GART: variants seen among roughly 807,000 people sequenced by gnomAD.
GART encodes phosphoribosylglycinamide formyltransferase, phosphoribosylglycinamide synthetase, phosphoribosylaminoimidazole synthetase.
In GART, 43 loss-of-function variants were observed where a neutral mutation model predicts 107.2. That is an observed-to-expected ratio of 0.40 (90% CI 0.31 to 0.52). The LOEUF is 0.52. Among genes scored for constraint, GART ranks in the 20% least tolerant of loss-of-function variants. The pLI is 0.52. For synonymous variants in GART, 434 were observed against 427.0 expected (o/e 1.02, Z -0.20); for missense variants, 1,107 against 1,206.5 (o/e 0.92, Z 1.22).
chr21:33,515,436 T>C (rs1456905400), intron 16 of GART, among the ~76,000 whole-genome samples: 1 of 151,746 alleles, frequency 6.6e-6, no homozygotes, highest in Non-Finnish European at 1.5e-5. Context: ...GGTCAAGAGA[T>C]TGAGACCATC....
chr21:33,536,028 G>C (rs1481825787), intron 2 of GART, among the ~76,000 whole-genome samples: 1 of 150,202 alleles, frequency 6.7e-6, no homozygotes, highest in Non-Finnish European at 1.5e-5. Context: ...ACGAAACTCT[G>C]TCTCAAAAAA....
intron 10 of GART, among the ~76,000 whole-genome samples, chr21:33,526,760 A>T (rs1310445246): frequency 6.6e-6 from 1 of 152,218 alleles, no homozygotes; most frequent in Non-Finnish European, 1.5e-5. Context: ...TTTATAGTTA[A>T]AACATTATTA....
chr21:33,540,105 A>G (rs974081727), intron 1 of GART, among the ~76,000 whole-genome samples: 1 of 152,232 alleles, frequency 6.6e-6, no homozygotes, highest in Non-Finnish European at 1.5e-5. Context: ...ACTTTACACA[A>G]AAAGGGCCAC....
At chr21:33,510,079 C>T (rs2084757734) in intron 17 of GART, 159 bp from the exon 18 acceptor site, 3 of 641,974 alleles carry the variant, frequency 4.7e-6, no homozygotes, top group Non-Finnish European at 7.8e-6. Context: ...TCACTTAACA[C>T]TACTCTTTCA....
chr21:33,525,025 T>C (rs1307039503), intron 10 of GART, 25 bp from the exon 11 acceptor site: 13 of 1,599,108 alleles, frequency 8.1e-6, no homozygotes, highest in African/African-American at 4.0e-5. Flanking sequence ...ATTTGACATA[T>C]GATTTCAAAT....
Position 33,516,246 on chromosome 21 carries a change from T to TAA in GART, c.2107+741_2107+742dup, listed in dbSNP as rs11321647. Among the ~76,000 whole-genome samples, 102 of 95,174 alleles carry TAA rather than the reference T, an allele frequency of 1.1e-3. 2 individuals carry two copies. Among genetic ancestry groups the TAA allele is most frequent in the African/African-American group, 3.1e-3 (78 of 25,202 alleles). 62.4% of individuals were successfully genotyped at this position (95,174 alleles called of 152,430 possible). Reference sequence around the variant, plus strand: ...CTGGGCTACAGAGTGAGACTCTGTCTAAAAAAAAAAAAAAAAAAAAAAGAA... The same window carrying TAA: ...CTGGGCTACAGAGTGAGACTCTGTCTAAAAAAAAAAAAAAAAAAAAAAAAGAA... On this transcript the variant is annotated intron_variant, in intron 16 of 21. Coordinates refer to ENST00000381815, the MANE Select transcript of GART (RefSeq NM_000819.5).
chr21:33,534,954 A>G (rs1162676129), intron 3 of GART, among the ~76,000 whole-genome samples: 1 of 152,238 alleles, frequency 6.6e-6, no homozygotes, highest in Non-Finnish European at 1.5e-5. Flanking sequence ...AAAAGTTGTT[A>G]TATTTGCATA....
chr21:33,523,335 C>G (rs552353759), intron 11 of GART, among the ~76,000 whole-genome samples: 3 of 152,252 alleles, frequency 2.0e-5, no homozygotes, highest in East Asian at 3.9e-4. Flanking sequence ...AGATAGAAAA[C>G]AAAGACTGAT....
In GART at chr21:33,528,845, C is replaced by T. The variant is rs2085126635; in HGVS notation, c.811+5G>A. On this transcript the variant is annotated splice_donor_5th_base_variant and intron_variant, in intron 8 of 21. Coordinates refer to ENST00000381815, the MANE Select transcript of GART (RefSeq NM_000819.5). ...TGGCTTCCATAGTAATGTGGGTGGGCCTACCTGTATATGGAGTACCCTCTT... is the reference window on the plus strand; with the variant it reads ...TGGCTTCCATAGTAATGTGGGTGGGTCTACCTGTATATGGAGTACCCTCTT... 6.2e-7 allele frequency: 1 copy of T among 1,601,526 alleles called. No individual in the cohort carries two copies. Among genetic ancestry groups the T allele is most frequent in the Non-Finnish European group, 8.5e-7 (1 of 1,169,692 alleles).
chr21:33,518,768 T>A, intron 14 of GART: 1 of 475,086 alleles, frequency 2.1e-6, no homozygotes, highest in Non-Finnish European at 4.2e-6. Flanking sequence ...TGCTTTTCCA[T>A]CCACAGACTA....
rs376083989 is a variant in GART, at chr21:33,504,325, T to C, written c.2842-10A>G. The C allele has an allele frequency of 3.1e-6, 5 of 1,612,792 alleles. No homozygotes were observed. Among genetic ancestry groups the C allele is most frequent in the Admixed American group, 1.7e-5 (1 of 59,884 alleles). On this transcript the variant is annotated splice_polypyrimidine_tract_variant and intron_variant, in intron 21 of 21. Coordinates refer to ENST00000381815, the MANE Select transcript of GART (RefSeq NM_000819.5). ...CAGCATCCACATCTTCCTGGAAAAG[T>C]AAGCAAAAGTTTTGAACATTACCTT...
rs1442835426 is a variant in GART at position 33,520,972 on chromosome 21, T to C, written c.1437A>G (p.Leu479=). 1 of 1,614,132 alleles carries C rather than the reference T, an allele frequency of 6.2e-7. No homozygotes were observed. Among genetic ancestry groups the C allele is most frequent in the Non-Finnish European group, 8.5e-7 (1 of 1,179,984 alleles). The change falls in exon 13 of 22, where the codon TTA becomes TTG. Residue 479 remains leucine, a synonymous_variant. Coordinates refer to ENST00000381815, the MANE Select transcript of GART (RefSeq NM_000819.5). ...DLGGFAGLFD[L]KAAGFKDPLL... ...GGGGATCTTTGAAACCAGCTGCTTT[T>C]AAATCAAAAAGACCAGCAAAACCTC...
rs1026891537 is a variant in GART, at chr21:33,525,112, T to C, written c.1067-112A>G. 9.9e-5 allele frequency: 142 copies of C among 1,436,646 alleles called. 1 individual carries two copies. The highest frequency in any genetic ancestry group is 1.2e-5 in the Non-Finnish European group (13 of 1,102,546). The allele number at this position is 1,436,646 out of a possible 1,614,324, so 89.0% of individuals were successfully genotyped here. A position where few individuals can be genotyped will look rare whatever the true frequency, so the allele number is the denominator to read the frequency against. On this transcript the variant is annotated intron_variant, in intron 10 of 21. Transcript: ENST00000381815. ...TTTTTTTTTTTTTAACTTGGCTAGG[T>C]GCGGTGGCTCATGCTTATAATTCCA... is the stretch of plus-strand genomic sequence containing the variant.
chr21:33,530,958 A>T, intron 6 of GART, 74 bp from the exon 7 acceptor site: 1 of 1,369,328 alleles, frequency 7.3e-7, no homozygotes, highest in Non-Finnish European at 9.6e-7. Context: ...GAGGCAAACT[A>T]TATGTCCCTT....
intron 18 of GART, chr21:33,509,530 T>A (rs895361701): frequency 2.9e-6 from 1 of 342,608 alleles, no homozygotes. Context: ...TGATACAAAA[T>A]GAGCTGTAGC....
At chr21:33,529,006 C>T (rs1417385905) in intron 7 of GART, 69 bp from the exon 8 acceptor site, 5 of 989,462 alleles carry the variant, frequency 5.1e-6, no homozygotes, top group South Asian at 1.3e-5. Context: ...TTACATGGGA[C>T]AACAGAAGGG....
At chr21:33,520,876 A>G in intron 13 of GART, 30 bp downstream of exon 13, 1 of 1,456,960 alleles carries the variant, frequency 6.9e-7, no homozygotes, top group African/African-American at 1.4e-5. Flanking sequence ...CTTTCCTAAA[A>G]GGCCTTTATT....
In GART at chr21:33,534,633, G is replaced by C; in HGVS notation, c.362C>G (p.Thr121Ser). The C allele has an allele frequency of 1.2e-6, 2 of 1,614,176 alleles. No homozygotes were observed. The highest frequency in any genetic ancestry group is 1.7e-6 in the Non-Finnish European group (2 of 1,180,032). ...KEFMDRHGIP[T>S]AQWKAFTKPE... ...TTTGGTGAAAGCCTTCCATTGTGCGGTTGGGATTCCATGTCTGTCCATAAA... is the reference window on the plus strand; with the variant it reads ...TTTGGTGAAAGCCTTCCATTGTGCGCTTGGGATTCCATGTCTGTCCATAAA... Residue 121 changes from threonine to serine, a missense_variant, in exon 4 of 22, where the codon ACC becomes AGC. Coordinates refer to ENST00000381815, the MANE Select transcript of GART (RefSeq NM_000819.5).
In GART at chr21:33,517,371, C is replaced by G. The variant is rs776471333; in HGVS notation, c.1940G>C (p.Gly647Ala). Residue 647 changes from glycine (G) to alanine (A), a missense_variant, in exon 15 of 22, where the codon GGT becomes GCT. Transcript: ENST00000381815. Reference sequence around the variant, plus strand: ...AGGGAGTTTACCTAAAGTCTGGTCACCACAACCATCAGGTGCTGGAGAGGA... The same window carrying G: ...AGGGAGTTTACCTAAAGTCTGGTCAGCACAACCATCAGGTGCTGGAGAGGA... ...QYSSPAPDGC[G>A]DQTLGDLLLT... 1 of 1,614,102 alleles carries G rather than the reference C, an allele frequency of 6.2e-7. No homozygotes were observed. Among genetic ancestry groups the G allele is most frequent in the Non-Finnish European group, 8.5e-7 (1 of 1,180,024 alleles).
Sources: gnomAD v4.1 joint callset for allele counts (sites outside exome capture counted in the v4.1 genomes callset) on GRCh38, gnomAD v4.1.1 for gene constraint, MANE v1.5 for transcripts, NCBI Gene and HGNC (gene_info 2026-07-23, HGNC 2026-07-21) for gene names.